ATG7: variants seen among roughly 807,000 people sequenced by gnomAD.
The protein encoded by ATG7 is autophagy related 7.
Under a neutral mutation model 82.4 loss-of-function variants are expected in ATG7, and 70 were observed. That is an observed-to-expected ratio of 0.85 (90% CI 0.70 to 1.04). ATG7 has a LOEUF of 1.04. ATG7 is among the 50% of genes least tolerant of loss of function. The pLI, the probability that ATG7 is intolerant of heterozygous loss-of-function variation, is 0.00. For synonymous variants in ATG7, 287 were observed against 313.0 expected, an observed-to-expected ratio of 0.92 and a Z score of 0.88; for missense variants, 792 against 864.3, an observed-to-expected ratio of 0.92 and a Z score of 1.05.
At chr3:11,573,481 GCAGGTCATC>G in the ATG7 span, among the ~76,000 whole-genome samples, 1 of 152,170 alleles carries the variant, frequency 6.6e-6, no homozygotes, top group African/African-American at 2.4e-5. Context: ...GTCAGTATTT[GCAGGTCATC>G]CACCTTCGAC....
intron 3 of ATG7, among the ~76,000 whole-genome samples, chr3:11,290,170 C>T (rs1420201263): frequency 1.3e-5 from 2 of 152,338 alleles, no homozygotes; most frequent in South Asian, 2.1e-4. Flanking sequence ...TAAAAACTCT[C>T]TCATGAACAA....
chr3:11,493,534 G>A (rs1011618684), intron 20 of ATG7, among the ~76,000 whole-genome samples: 1 of 152,180 alleles, frequency 6.6e-6, no homozygotes. Context: ...TGAAGGTGGG[G>A]TTTCCACTGG....
At chr3:11,458,694 T>C (rs1054624574) in intron 20 of ATG7, among the ~76,000 whole-genome samples, 40 of 152,346 alleles carry the variant, frequency 2.6e-4, no homozygotes, top group African/African-American at 9.1e-4. Context: ...TCTGTAATTC[T>C]ATGAAAATAA....
At chr3:11,434,225 C>G (rs1398535120) in intron 20 of ATG7, among the ~76,000 whole-genome samples, 1 of 152,146 alleles carries the variant, frequency 6.6e-6, no homozygotes, top group African/African-American at 2.4e-5. Context: ...CATTTAACAA[C>G]AGTCAGATAT....
chr3:11,315,771 G>T (rs1949318982), intron 9 of ATG7, among the ~76,000 whole-genome samples: 1 of 152,048 alleles, frequency 6.6e-6, no homozygotes, highest in Non-Finnish European at 1.5e-5. Flanking sequence ...CTGTTGCCTG[G>T]GCTGGAGCGC....
chr3:11,509,828 A>G (rs893434701), intron 20 of ATG7, among the ~76,000 whole-genome samples: 2 of 152,200 alleles, frequency 1.3e-5, no homozygotes, highest in Admixed American at 1.3e-4. Flanking sequence ...CAGTTGCTCC[A>G]GTGGTGTTTA....
At chr3:11,452,502 G>A (rs998618975) in intron 20 of ATG7, among the ~76,000 whole-genome samples, 1 of 151,464 alleles carries the variant, frequency 6.6e-6, no homozygotes, top group South Asian at 2.1e-4. Context: ...TTCATGCTAC[G>A]TGAATTATAT....
At chr3:11,447,665 G>T (rs2084705473) in intron 20 of ATG7, among the ~76,000 whole-genome samples, 1 of 152,102 alleles carries the variant, frequency 6.6e-6, no homozygotes, top group Admixed American at 6.5e-5. Context: ...GACTCGGGCA[G>T]TTCCAAAATC....
At chr3:11,549,048 C>T (rs553510709) in intron 20 of ATG7, among the ~76,000 whole-genome samples, 1 of 151,632 alleles carries the variant, frequency 6.6e-6, no homozygotes, top group East Asian at 1.9e-4. Context: ...TTCTTGCCAG[C>T]GTTATCTCAG....
chr3:11,482,755 T>G (rs1341340053), intron 20 of ATG7, among the ~76,000 whole-genome samples: 1 of 152,116 alleles, frequency 6.6e-6, no homozygotes, highest in African/African-American at 2.4e-5. Flanking sequence ...AGGCTACTAA[T>G]CCAGTGCTTT....
downstream of ATG7, chr3:11,559,592 G>A (rs777091267): frequency 4.6e-6 from 6 of 1,310,228 alleles, no homozygotes; most frequent in Non-Finnish European, 6.0e-6. Flanking sequence ...CTTCAATACT[G>A]GAGTCCTGTT....
intron 20 of ATG7, among the ~76,000 whole-genome samples, chr3:11,508,213 G>C (rs1392255239): frequency 1.3e-5 from 2 of 152,208 alleles, no homozygotes; most frequent in South Asian, 2.1e-4. Flanking sequence ...GGTGGTGCCA[G>C]TTCGTGAGGC....
At chr3:11,515,397 C>T (rs542927213) in intron 20 of ATG7, among the ~76,000 whole-genome samples, 7 of 151,978 alleles carry the variant, frequency 4.6e-5, no homozygotes, top group South Asian at 2.1e-4. Context: ...TCCACCTCCC[C>T]GGTTCAAGCG....
chr3:11,314,732 C>G (rs1049420596), intron 8 of ATG7, among the ~76,000 whole-genome samples: 1 of 152,032 alleles, frequency 6.6e-6, no homozygotes. Context: ...CTCAGGAGTT[C>G]AAGACCAGCC....
At chr3:11,516,047 CAAAA>C (rs1048427246) in intron 20 of ATG7, among the ~76,000 whole-genome samples, 2 of 144,826 alleles carry the variant, frequency 1.4e-5, no homozygotes, top group South Asian at 2.2e-4. Context: ...AAAAAAAAAA[CAAAA>C]AAACATAGGA....
At chr3:11,501,403 A>G (rs2091308725) in intron 20 of ATG7, among the ~76,000 whole-genome samples, 1 of 152,258 alleles carries the variant, frequency 6.6e-6, no homozygotes, top group Non-Finnish European at 1.5e-5. Flanking sequence ...ATTTGTCAGA[A>G]GGACTGAGAA....
intron 20 of ATG7, among the ~76,000 whole-genome samples, chr3:11,504,027 T>C (rs911217240): frequency 6.6e-6 from 1 of 152,058 alleles, no homozygotes; most frequent in Admixed American, 6.6e-5. Flanking sequence ...TTACCCACAA[T>C]TGAGAGAAAC....
intron 20 of ATG7, among the ~76,000 whole-genome samples, chr3:11,435,641 A>G (rs1303399698): frequency 1.3e-5 from 2 of 152,146 alleles, no homozygotes; most frequent in African/African-American, 4.8e-5. Context: ...CAAGACTGCC[A>G]TGTTCCTCTG....
intron 13 of ATG7, 27 bp downstream of exon 13, chr3:11,342,306 G>A (rs887368954): frequency 5.6e-6 from 9 of 1,597,848 alleles, no homozygotes; most frequent in Non-Finnish European, 8.5e-7. Context: ...GGGTGCAAAT[G>A]GCACCTTTGA....
Sources: gnomAD v4.1 joint callset for allele counts (sites outside exome capture counted in the v4.1 genomes callset) on GRCh38, gnomAD v4.1.1 for gene constraint, MANE v1.5 for transcripts, NCBI Gene and HGNC (gene_info 2026-07-23, HGNC 2026-07-21) for gene names.